The following NELL1 variants were observed in gnomAD, a reference collection of about 807,000 sequenced individuals.
The protein encoded by NELL1 is protein kinase C-binding protein NELL1.
NELL1 carries 76 observed loss-of-function variants against 107.4 expected under a neutral mutation model. That is an observed-to-expected ratio of 0.71 (90% CI 0.59 to 0.86). NELL1 has a LOEUF of 0.86. NELL1 is among the 40% of genes least tolerant of loss of function. NELL1 has a pLI of 0.00. For synonymous variants in NELL1, 353 were observed against 341.2 expected, an observed-to-expected ratio of 1.03 and a Z score of -0.38; for missense variants, 1,024 against 1,005.5, an observed-to-expected ratio of 1.02 and a Z score of -0.25.
At chr11:20,867,562 G>C (rs1849118709) in intron 4 of NELL1, among the ~76,000 whole-genome samples, 1 of 152,112 alleles carries the variant, frequency 6.6e-6, no homozygotes, top group African/African-American at 2.4e-5. Context: ...CGTTTTCTGG[G>C]CATCATTTGC....
At chr11:21,117,659 A>C (rs1210806134) in intron 13 of NELL1, among the ~76,000 whole-genome samples, 2 of 152,004 alleles carry the variant, frequency 1.3e-5, no homozygotes, top group Non-Finnish European at 2.9e-5. Context: ...ACTTAAGATA[A>C]ATTTTATTTT....
At chr11:21,333,065 A>G (rs971557394) in intron 14 of NELL1, among the ~76,000 whole-genome samples, 21 of 152,150 alleles carry the variant, frequency 1.4e-4, no homozygotes, top group African/African-American at 4.1e-4. Context: ...ATGTATATCA[A>G]TTTTGTTCCA....
chr11:21,245,624 G>C (rs763644232), intron 14 of NELL1, among the ~76,000 whole-genome samples: 18 of 152,070 alleles, frequency 1.2e-4, no homozygotes, highest in Admixed American at 2.0e-4. Flanking sequence ...TGCTTAATCT[G>C]TTTCCCTCAC....
At chr11:20,877,031 C>T (rs1849318995) in intron 4 of NELL1, among the ~76,000 whole-genome samples, 1 of 152,124 alleles carries the variant, frequency 6.6e-6, no homozygotes, top group African/African-American at 2.4e-5. Flanking sequence ...GTTATGTCCC[C>T]TTAGCATAAG....
intron 12 of NELL1, among the ~76,000 whole-genome samples, chr11:20,986,992 A>T (rs1010839861): frequency 1.3e-5 from 2 of 152,140 alleles, no homozygotes; most frequent in African/African-American, 4.8e-5. Flanking sequence ...TATTTTAAAG[A>T]ATTATTTCAG....
At chr11:20,860,139 A>G (rs1848952975) in intron 4 of NELL1, among the ~76,000 whole-genome samples, 1 of 152,206 alleles carries the variant, frequency 6.6e-6, no homozygotes, top group South Asian at 2.1e-4. Flanking sequence ...TGCTGTTTCT[A>G]GGATGTCAAG....
At chr11:21,168,410 A>G (rs1341829257) in intron 13 of NELL1, among the ~76,000 whole-genome samples, 1 of 151,794 alleles carries the variant, frequency 6.6e-6, no homozygotes, top group Non-Finnish European at 1.5e-5. Context: ...ATTTATGTAT[A>G]ATATTCTTTC....
chr11:21,222,355 AT>A (rs578038504), intron 13 of NELL1, among the ~76,000 whole-genome samples: 20 of 148,776 alleles, frequency 1.3e-4, no homozygotes, highest in Non-Finnish European at 2.4e-4. Flanking sequence ...AATTTTTTGT[AT>A]TTTTTTGTAT....
chr11:21,560,978 TTC>T (rs1046305274), intron 17 of NELL1, among the ~76,000 whole-genome samples: 3 of 152,138 alleles, frequency 2.0e-5, no homozygotes, highest in African/African-American at 7.2e-5. Flanking sequence ...GAAAATAAAA[TTC>T]TGTCATCATT....
intron 15 of NELL1, among the ~76,000 whole-genome samples, chr11:21,390,887 CTCTT>C (rs760800878): frequency 6.6e-6 from 1 of 151,694 alleles, no homozygotes; most frequent in Non-Finnish European, 1.5e-5. Flanking sequence ...ATACTGGAAG[CTCTT>C]TCTGTCTACA....
chr11:21,002,815 ACT>A (rs1253197611), intron 12 of NELL1, among the ~76,000 whole-genome samples: 2 of 151,968 alleles, frequency 1.3e-5, no homozygotes, highest in Non-Finnish European at 2.9e-5. Flanking sequence ...CAGTTGTCAC[ACT>A]CTGTCTCCTG....
Position 21,484,080 on chromosome 11 carries a change from G to A in NELL1, c.1646-50294G>A, listed in dbSNP as rs145735633. ...AAAATATCCTAAGTATTTAGCCAGC[G>A]TTAATAGTGGTTGTCTTGAGTAGCG... is the stretch of plus-strand genomic sequence containing the variant. On this transcript the variant is annotated intron_variant, in intron 15 of 19. Coordinates refer to ENST00000357134, the MANE Select transcript of NELL1 (RefSeq NM_006157.5). Among the ~76,000 whole-genome samples, 515 of 141,484 alleles carry A rather than the reference G, an allele frequency of 3.6e-3. 4 individuals are homozygous for A. Among genetic ancestry groups the A allele is most frequent in the African/African-American group, 0.012 (460 of 38,236 alleles). The allele number at this position is 141,484 out of a possible 152,430, so 92.8% of individuals were successfully genotyped here. A position where few individuals can be genotyped will look rare whatever the true frequency, so the allele number is the denominator to read the frequency against.
chr11:20,779,150 G>A (rs1248088570), intron 2 of NELL1, among the ~76,000 whole-genome samples: 1 of 152,184 alleles, frequency 6.6e-6, no homozygotes, highest in African/African-American at 2.4e-5. Flanking sequence ...TTGGTGAGCA[G>A]TGATGGGTTT....
chr11:20,924,767 A>G (rs1409562524), intron 7 of NELL1, among the ~76,000 whole-genome samples: 1 of 152,212 alleles, frequency 6.6e-6, no homozygotes, highest in Non-Finnish European at 1.5e-5. Flanking sequence ...TCTGTTGTTC[A>G]ATCCAAGGTC....
chr11:20,827,609 A>T (rs999276018), intron 3 of NELL1, among the ~76,000 whole-genome samples: 2 of 151,164 alleles, frequency 1.3e-5, no homozygotes, highest in African/African-American at 4.8e-5. Flanking sequence ...AGAGGATTGC[A>T]TGTAGGAGGT....
chr11:21,447,640 T>C (rs532520792), intron 15 of NELL1, among the ~76,000 whole-genome samples: 81 of 152,204 alleles, frequency 5.3e-4, no homozygotes, highest in African/African-American at 2.0e-3. Flanking sequence ...AAGGAAGAGA[T>C]CTCTTTCAGA....
At chr11:21,015,147 G>A (rs1426411203) in intron 12 of NELL1, among the ~76,000 whole-genome samples, 1 of 151,856 alleles carries the variant, frequency 6.6e-6, no homozygotes, top group Non-Finnish European at 1.5e-5. Flanking sequence ...CCCTTATTCT[G>A]TGAGTGTAGT....
chr11:21,539,738 C>A (rs1856242512), intron 16 of NELL1, among the ~76,000 whole-genome samples: 1 of 151,192 alleles, frequency 6.6e-6, no homozygotes, highest in Non-Finnish European at 1.5e-5. Flanking sequence ...CCATAGATAG[C>A]CCATAGGGTG....
intron 2 of NELL1, among the ~76,000 whole-genome samples, chr11:20,710,677 TG>T (rs1855089939): frequency 6.6e-6 from 1 of 151,956 alleles, no homozygotes; most frequent in Admixed American, 6.5e-5. Context: ...GAGTGTTTTT[TG>T]TTGGCAGTTT....
Sources: allele counts gnomAD v4.1 joint callset (sites outside exome capture counted in the v4.1 genomes callset), GRCh38; gene constraint gnomAD v4.1.1; transcripts MANE v1.5; gene names NCBI Gene and HGNC (gene_info 2026-07-23, HGNC 2026-07-21).